IFNLR1: variants seen among roughly 807,000 people sequenced by gnomAD.
IFNLR1 encodes the protein interferon lambda receptor 1.
A neutral mutation model predicts 52.5 loss-of-function variants in IFNLR1; 28 were observed. That is an observed-to-expected ratio of 0.53 (90% confidence interval 0.40 to 0.73). IFNLR1 has a LOEUF of 0.73. Among genes scored for constraint, IFNLR1 ranks in the 30% least tolerant of loss-of-function variants. The probability of loss-of-function intolerance (pLI) is 0.00; values close to 1 mark genes in which losing one functional copy is unlikely to be tolerated. For synonymous variants in IFNLR1, 276 were observed against 274.9 expected, an observed-to-expected ratio of 1.00 and a Z score of -0.04; for missense variants, 623 against 659.1, an observed-to-expected ratio of 0.95 and a Z score of 0.60.
rs1644376303 is a variant in IFNLR1, at chr1:24,156,136, T to G, written c.*994A>C. 1 of 152,140 alleles carries G rather than the reference T, an allele frequency of 6.6e-6. No homozygotes were observed. 9.4% of individuals were successfully genotyped at this position (152,140 alleles called of 1,614,324 possible). ...GGGAAGCAGGGTTCCCATTGCTAGG[T>G]GAAGGCGGAGAGACCAGGGTCCCCT... On this transcript the variant is annotated 3_prime_UTR_variant, in exon 7 of 7. Coordinates refer to ENST00000327535, the MANE Select transcript of IFNLR1 (RefSeq NM_170743.4).
chr1:24,156,878 A>G lies in IFNLR1; in HGVS notation c.*252T>C, dbSNP rs1207297120. 5.6e-6 allele frequency: 3 copies of G among 534,144 alleles called. No homozygotes were observed. The highest frequency in any genetic ancestry group is 6.6e-6 in the Non-Finnish European group (2 of 303,300). The allele number at this position is 534,144 out of a possible 1,614,324, so 33.1% of individuals were successfully genotyped here. ...GGGACAATGGGGGTGATGACACCCC[A>G]CCAACCTCTGACCTCAGCCCACCCT... On this transcript the variant is annotated 3_prime_UTR_variant, in exon 7 of 7. Coordinates refer to ENST00000327535, the MANE Select transcript of IFNLR1 (RefSeq NM_170743.4).
At chr1:24,173,912 A>G (rs1644606799) in intron 2 of IFNLR1, among the ~76,000 whole-genome samples, 1 of 152,186 alleles carries the variant, frequency 6.6e-6, no homozygotes, top group Non-Finnish European at 1.5e-5. Flanking sequence ...ATCCACACAA[A>G]GACTTGTACA....
At chr1:24,168,677 C>T (rs1289894365) in intron 3 of IFNLR1, among the ~76,000 whole-genome samples, 2 of 151,178 alleles carry the variant, frequency 1.3e-5, no homozygotes, top group South Asian at 2.1e-4. Context: ...TCATCTTTAC[C>T]CCCCCACCCC....
chr1:24,174,821 G>A (rs2148598966), intron 2 of IFNLR1, among the ~76,000 whole-genome samples: 1 of 152,188 alleles, frequency 6.6e-6, no homozygotes, highest in Admixed American at 6.5e-5. Context: ...TAAGCCAAAA[G>A]GAACTAGAAC....
In IFNLR1 at chr1:24,164,249, C is replaced by T. The variant is rs568723456; in HGVS notation, c.368-2565G>A. Among the ~76,000 whole-genome samples the T allele has an allele frequency of 3.9e-5, 6 of 152,328 alleles. No individual in the cohort carries two copies. In the East Asian group the frequency reaches 1.2e-3, roughly 29 times the overall value. On this transcript the variant is annotated intron_variant, in intron 3 of 6. Transcript: ENST00000327535. ...GGGAAGAATTCTCTTTCGCTCTTAG[C>T]ACTGCCCTTTGAGCTTCTGGTTTCA...
intron 2 of IFNLR1, among the ~76,000 whole-genome samples, chr1:24,179,937 T>C (rs1166187233): frequency 6.6e-6 from 1 of 152,228 alleles, no homozygotes; most frequent in Non-Finnish European, 1.5e-5. Context: ...GCTTCCATTG[T>C]CAGATTTCTC....
intron 2 of IFNLR1, among the ~76,000 whole-genome samples, chr1:24,170,234 AAATTGCTATTATTTATT>A (rs760574712): frequency 8.5e-5 from 13 of 152,384 alleles, no homozygotes; most frequent in South Asian, 4.1e-4. Context: ...TGTGAGAAGG[AAATTGCTATTATTTATT>A]AATTGCTATT....
intron 6 of IFNLR1, 39 bp downstream of exon 6, chr1:24,159,013 C>T (rs747640276): frequency 1.0e-5 from 16 of 1,604,026 alleles, no homozygotes; most frequent in Non-Finnish European, 1.4e-5. Flanking sequence ...TTACTCTCAA[C>T]CCCTCCCCAC....
chr1:24,167,306 C>T (rs148317057), intron 3 of IFNLR1, among the ~76,000 whole-genome samples: 1 of 152,318 alleles, frequency 6.6e-6, no homozygotes, highest in African/African-American at 2.4e-5. Context: ...CCTGGTTGTC[C>T]AGCCCATGAC....
intron 4 of IFNLR1, 89 bp downstream of exon 4, chr1:24,161,453 G>A (rs1318931897): frequency 4.2e-6 from 6 of 1,439,426 alleles, no homozygotes; most frequent in Admixed American, 2.0e-5. Context: ...GAGGAGGGGT[G>A]CAGGAGCAGG....
In IFNLR1 at chr1:24,163,459, A is replaced by G. The variant is rs190893434; in HGVS notation, c.368-1775T>C. 2.6e-3 allele frequency among the ~76,000 whole-genome samples: 394 copies of G among 152,312 alleles called. 2 individuals are homozygous for G. The highest frequency in any genetic ancestry group is 4.0e-3 in the Admixed American group (61 of 15,290). On this transcript the variant is annotated intron_variant, in intron 3 of 6. Coordinates refer to ENST00000327535, the MANE Select transcript of IFNLR1 (RefSeq NM_170743.4). ...AACGTTAATTAAGATTCCTACTGCC[A>G]CGCAATACTGACATCTAACATATTC...
chr1:24,178,990 G>A (rs868344306), intron 2 of IFNLR1, among the ~76,000 whole-genome samples: 66 of 152,232 alleles, frequency 4.3e-4, no homozygotes, highest in African/African-American at 1.5e-3. Flanking sequence ...GTTCAGGTTG[G>A]AGTGCAGTGG....
intron 1 of IFNLR1, among the ~76,000 whole-genome samples, chr1:24,184,552 C>T (rs1032691702): frequency 2.5e-4 from 38 of 152,240 alleles, no homozygotes; most frequent in African/African-American, 8.2e-4. Flanking sequence ...TCTTCCTGCT[C>T]GATGTTGCCA....
rs75494459 is a variant in IFNLR1 at position 24,160,249 on chromosome 1, C to T, written c.511-616G>A. The stretch of plus-strand genomic sequence containing the variant: ...GGAGGAAACCTCTACAGATGCTGCA[C>T]TGTGTGGTATGGAAGGCACTGGCCA... On this transcript the variant is annotated intron_variant, in intron 4 of 6. Transcript: ENST00000327535. Among the ~76,000 whole-genome samples the T allele has an allele frequency of 9.6e-3, 1,461 of 152,316 alleles. 28 individuals are homozygous for T. Among genetic ancestry groups the T allele is most frequent in the African/African-American group, 0.033 (1,385 of 41,562 alleles).
intron 1 of IFNLR1, among the ~76,000 whole-genome samples, chr1:24,181,512 A>G (rs1569700232): frequency 6.6e-6 from 1 of 152,148 alleles, no homozygotes; most frequent in Non-Finnish European, 1.5e-5. Flanking sequence ...CCCTTACATA[A>G]TATACTTCTC....
Position 24,166,261 on chromosome 1 carries a change from AT to A in IFNLR1, c.367+3155del, listed in dbSNP as rs543972223. 1.2e-3 allele frequency among the ~76,000 whole-genome samples: 174 copies of A among 149,436 alleles called. 2 individuals carry two copies. The highest frequency in any genetic ancestry group is 4.2e-3 in the African/African-American group (168 of 40,358). ...TTCTCAATCATCCTTTCTAACCAAT[AT>A]TTTTTTCTTCCTATGCCTCCTTTCT... On this transcript the variant is annotated intron_variant, in intron 3 of 6. Transcript: ENST00000327535.
At chr1:24,172,239 T>C (rs1644588320) in intron 2 of IFNLR1, among the ~76,000 whole-genome samples, 1 of 152,164 alleles carries the variant, frequency 6.6e-6, no homozygotes, top group African/African-American at 2.4e-5. Context: ...GAGGAAAACA[T>C]ATAGCTTTAA....
Position 24,156,230 on chromosome 1 carries a change from G to A in IFNLR1, c.*900C>T, listed in dbSNP as rs1644377237. 6.6e-6 allele frequency: 1 copy of A among 152,286 alleles called. No homozygotes were observed. Among genetic ancestry groups the A allele is most frequent in the African/African-American group, 2.4e-5 (1 of 41,436 alleles). The allele number at this position is 152,286 out of a possible 1,614,324, so 9.4% of individuals were successfully genotyped here. A position where few individuals can be genotyped will look rare whatever the true frequency, so the allele number is the denominator to read the frequency against. ...AGGCAGTGAGGGTAGAAGGAAGGAGGTAGACTGGGGATGAGACAAGCTGAA... is the reference window on the plus strand; with the variant it reads ...AGGCAGTGAGGGTAGAAGGAAGGAGATAGACTGGGGATGAGACAAGCTGAA... On this transcript the variant is annotated 3_prime_UTR_variant, in exon 7 of 7. Transcript: ENST00000327535.
chr1:24,172,959 G>A (rs1412759837), intron 2 of IFNLR1, among the ~76,000 whole-genome samples: 1 of 151,934 alleles, frequency 6.6e-6, no homozygotes, highest in Non-Finnish European at 1.5e-5. Flanking sequence ...ATTAGATTAG[G>A]GCCCACCCTT....
Sources: allele counts gnomAD v4.1 joint callset (sites outside exome capture counted in the v4.1 genomes callset), GRCh38; gene constraint gnomAD v4.1.1; transcripts MANE v1.5; gene names NCBI Gene and HGNC (gene_info 2026-07-23, HGNC 2026-07-21).